HERC2: variants seen among roughly 807,000 people sequenced by gnomAD.
The protein encoded by HERC2 is HECT and RLD domain containing E3 ubiquitin protein ligase 2.
HERC2 carries 102 observed loss-of-function variants against 537.7 expected under a neutral mutation model. The observed-to-expected ratio is 0.19, with a 90% CI of 0.16 to 0.22. HERC2 has a LOEUF of 0.22. Among genes scored for constraint, HERC2 ranks in the 10% least tolerant of loss-of-function variants. The pLI is 1.00. For missense variants in HERC2, 4,236 were observed against 6,198.2 expected (o/e 0.68, Z 10.63); for synonymous variants, 2,224 against 2,466.2 (o/e 0.90, Z 2.91).
chr15:28,245,973 C>G lies in HERC2; in HGVS notation c.3485G>C (p.Gly1162Ala), dbSNP rs1462752844. ...CCGATCCAGATGTTCCAACAGGCCA[C>G]CCAGCAGAGGTACAGCTCCAGCCTC... Reference protein sequence around the residue: ...MQEAGAVPLLGGLLEHLDRFN... With the variant: ...MQEAGAVPLLAGLLEHLDRFN... The change falls in exon 23 of 93, where the codon GGT (glycine) becomes GCT (alanine). Residue 1162 changes from glycine (G) to alanine (A), a missense_variant. Gly to Ala is a moderately conservative substitution (Grantham distance 60). Transcript: ENST00000261609. 1 of 1,614,058 alleles carries G rather than the reference C, an allele frequency of 6.2e-7. No homozygotes were observed. The highest frequency in any genetic ancestry group is 1.1e-5 in the South Asian group (1 of 91,076).
intron 14 of HERC2, among the ~76,000 whole-genome samples, chr15:28,264,127 C>A (rs1001775481): frequency 2.6e-5 from 4 of 152,004 alleles, no homozygotes; most frequent in Non-Finnish European, 5.9e-5. Flanking sequence ...TCAGATTGCT[C>A]CACAAGTTCC....
chr15:28,281,041 C>T (rs576826388), intron 4 of HERC2, among the ~76,000 whole-genome samples: 2 of 152,130 alleles, frequency 1.3e-5, no homozygotes, highest in African/African-American at 2.4e-5. Flanking sequence ...AATATAAAAA[C>T]GATGTCTTGA....
chr15:28,132,322 G>A, intron 80 of HERC2, 61 bp from the exon 81 acceptor site: 2 of 1,470,282 alleles, frequency 1.4e-6, no homozygotes, highest in African/African-American at 1.4e-5. Context: ...CCACAGGACT[G>A]GCTTCACAAC....
At chr15:28,173,816 AAAC>A (rs1473664985) in intron 65 of HERC2, among the ~76,000 whole-genome samples, 2 of 151,424 alleles carry the variant, frequency 1.3e-5, no homozygotes, top group East Asian at 1.9e-4. Flanking sequence ...AAACCCAACC[AAAC>A]AACAACAATA....
At chr15:28,144,524 G>A (rs536024176) in intron 72 of HERC2, 149 bp downstream of exon 72, 41 of 1,065,150 alleles carry the variant, frequency 3.8e-5, no homozygotes, top group South Asian at 8.8e-5. Context: ...TCTGTTCCAC[G>A]CCTCAGCAGG....
At chr15:28,140,432 T>G (rs1440458984) in intron 78 of HERC2, among the ~76,000 whole-genome samples, 1 of 152,112 alleles carries the variant, frequency 6.6e-6, no homozygotes, top group Non-Finnish European at 1.5e-5. Context: ...ATACAAGAAA[T>G]CTTCACATAT....
intron 70 of HERC2, among the ~76,000 whole-genome samples, chr15:28,147,561 C>T (rs1891887168): frequency 6.6e-6 from 1 of 151,904 alleles, no homozygotes; most frequent in African/African-American, 2.4e-5. Context: ...TCGCTTGAGC[C>T]CAGAGTTTGG....
At chr15:28,159,816 T>C (rs1325542650) in intron 69 of HERC2, among the ~76,000 whole-genome samples, 2 of 152,242 alleles carry the variant, frequency 1.3e-5, no homozygotes, top group Admixed American at 6.5e-5. Context: ...CTCTGATTTT[T>C]AGAATTTTCA....
chr15:28,128,723 A>C (rs367972505), intron 83 of HERC2, among the ~76,000 whole-genome samples: 2 of 152,220 alleles, frequency 1.3e-5, no homozygotes, highest in South Asian at 2.1e-4. Context: ...ACACACACTT[A>C]GGATCCTTTC....
chr15:28,159,206 T>C (rs1893321849), intron 69 of HERC2, among the ~76,000 whole-genome samples: 1 of 152,180 alleles, frequency 6.6e-6, no homozygotes, highest in Non-Finnish European at 1.5e-5. Flanking sequence ...AATCTGACAA[T>C]TATGTGTCTT....
At chr15:28,269,205 C>T (rs370374006) in intron 11 of HERC2, 43 bp downstream of exon 11, 131 of 1,538,286 alleles carry the variant, frequency 8.5e-5, no homozygotes, top group Non-Finnish European at 5.3e-5. Flanking sequence ...ACAGACCCTG[C>T]CCCGCAAGGG....
Position 28,196,531 on chromosome 15 carries a change from G to A in HERC2, c.8050C>T (p.Pro2684Ser). ...ANGKDIIVDF[P>S]QQSHWTGLLS... ...AACCCAGTCCAGTGAGACTGCTGGG[G>A]AAAGTCGACAATGATATCTTTTCCA... is the stretch of plus-strand genomic sequence containing the variant. Residue 2684 changes from proline to serine, a missense_variant, in exon 51 of 93, where the codon CCC becomes TCC. Physicochemically the swap from Pro to Ser is moderately conservative, Grantham distance 74. Coordinates refer to ENST00000261609, the MANE Select transcript of HERC2 (RefSeq NM_004667.6). 2 of 1,613,412 alleles carry A rather than the reference G, an allele frequency of 1.2e-6. No homozygotes were observed. Among genetic ancestry groups the A allele is most frequent in the Non-Finnish European group, 1.7e-6 (2 of 1,179,386 alleles).
At chr15:28,248,182 C>G (rs1200945293) in intron 21 of HERC2, among the ~76,000 whole-genome samples, 3 of 152,220 alleles carry the variant, frequency 2.0e-5, no homozygotes, top group Non-Finnish European at 4.4e-5. Flanking sequence ...TCCCATTCCA[C>G]CCAGCTGGCT....
chr15:28,204,621 A>G (rs1387846660), intron 45 of HERC2, among the ~76,000 whole-genome samples: 2 of 151,636 alleles, frequency 1.3e-5, no homozygotes, highest in East Asian at 3.8e-4. Flanking sequence ...TCCGTCAAAA[A>G]AAAAAAAAAA....
chr15:28,187,848 G>A (rs970265782), intron 55 of HERC2, among the ~76,000 whole-genome samples: 5 of 152,130 alleles, frequency 3.3e-5, no homozygotes, highest in African/African-American at 1.2e-4. Context: ...TACTTGTCCT[G>A]CAAATGTCCC....
chr15:28,147,790 CT>C (rs1891919457), intron 70 of HERC2, among the ~76,000 whole-genome samples: 1 of 152,042 alleles, frequency 6.6e-6, no homozygotes, highest in Non-Finnish European at 1.5e-5. Context: ...GATCTCAACA[CT>C]TTGGGAGGCC....
intron 2 of HERC2, among the ~76,000 whole-genome samples, chr15:28,302,776 C>T (rs1216334521): frequency 6.7e-6 from 1 of 148,496 alleles, no homozygotes; most frequent in Non-Finnish European, 1.5e-5. Flanking sequence ...AGCACCTGTT[C>T]GTACTGCCTG....
Position 28,177,426 on chromosome 15 carries a change from T to C in HERC2, c.9247A>G (p.Ser3083Gly). Residue 3083 changes from serine to glycine, a missense_variant, in exon 60 of 93, where the codon AGC becomes GGC. By Grantham distance (56) the Ser-to-Gly change is moderately conservative (BLOSUM62 0). Transcript: ENST00000261609. This position sits in a 1 kb window ranked among gnomAD's most constrained non-coding sequence, Gnocchi z 5.0. ...EGDDGKLGHF[S>G]RMNCDKPRLI... ...TAAAAAAAGTACCCTTACATTCTGC[T>C]GAAGTGTCCAAGTTTTCCATCGTCA... 6.2e-7 allele frequency: 1 copy of C among 1,614,142 alleles called. No homozygotes were observed. Among genetic ancestry groups the C allele is most frequent in the Non-Finnish European group, 8.5e-7 (1 of 1,179,924 alleles).
At position 28,122,754 on chromosome 15, in the gene HERC2, A is replaced by T. The variant is rs1017759339; in HGVS notation, c.13188+1283T>A. On this transcript the variant is annotated intron_variant, in intron 85 of 92. Transcript: ENST00000261609. The surrounding 1 kb of genome is among the most constrained non-coding windows in gnomAD (Gnocchi z 4.1). Reference sequence around the variant, plus strand: ...GCCTACACATTCCCTGACCAGAGGTACCTTTCAGACGCCCTCAGCACTCCC... The same window carrying T: ...GCCTACACATTCCCTGACCAGAGGTTCCTTTCAGACGCCCTCAGCACTCCC... Among the ~76,000 whole-genome samples, 6 of 152,058 alleles carry T rather than the reference A, an allele frequency of 3.9e-5. No homozygotes were observed. The highest frequency in any genetic ancestry group is 7.4e-5 in the Non-Finnish European group (5 of 68,012).
Sources: gnomAD v4.1 joint callset for allele counts (sites outside exome capture counted in the v4.1 genomes callset) on GRCh38, gnomAD v4.1.1 for gene constraint, Gnocchi (gnomAD v3.1) non-coding constraint, MANE v1.5 for transcripts, NCBI Gene and HGNC (gene_info 2026-07-23, HGNC 2026-07-21) for gene names.